ZNF564: variants seen among roughly 807,000 people sequenced by gnomAD.
The protein encoded by ZNF564 is zinc finger protein 564.
In ZNF564, 5 loss-of-function variants were observed where a neutral mutation model predicts 10.5. The ratio of observed to expected loss-of-function variants is 0.48; its 90% CI spans 0.25 to 1.00. The LOEUF (loss-of-function observed/expected upper bound fraction) is 1.00. ZNF564 is among the 50% of genes least tolerant of loss of function. The pLI, the probability that ZNF564 is intolerant of heterozygous loss-of-function variation, is 0.16. For missense variants in ZNF564, 603 were observed against 669.7 expected, an observed-to-expected ratio of 0.90 and a Z score of 1.10; for synonymous variants, 242 against 218.1, an observed-to-expected ratio of 1.11 and a Z score of -0.97.
At chr19:12,529,229 T>C (rs1568261950) in intron 1 of ZNF564, among the ~76,000 whole-genome samples, 1 of 152,208 alleles carries the variant, frequency 6.6e-6, no homozygotes, top group Non-Finnish European at 1.5e-5. Flanking sequence ...TCTACATTTT[T>C]ACTGTAGTCA....
At chr19:12,544,434 T>G (rs937066687) in intron 1 of ZNF564, among the ~76,000 whole-genome samples, 2 of 152,200 alleles carry the variant, frequency 1.3e-5, no homozygotes, top group African/African-American at 2.4e-5. Context: ...GAAGCCACTT[T>G]GAATATGGCT....
rs779387961 is a variant in ZNF564, at chr19:12,527,097, A to G, written c.1011T>C (p.Tyr337=). ...AGGTTTTACCACATTTATTACATTC[A>G]TAGGGTTTCTCCCCAGTATGAGTTC... ...HERTHTGEKP[Y]ECNKCGKTFS... is the part of the protein sequence containing the mutation. The change falls in exon 4 of 4, where the codon TAT becomes TAC. Residue 337 remains tyrosine (Y), a synonymous_variant. Transcript: ENST00000339282. 12 of 1,614,070 alleles carry G rather than the reference A, an allele frequency of 7.4e-6. No homozygotes were observed. Among genetic ancestry groups the G allele is most frequent in the Non-Finnish European group, 8.5e-7 (1 of 1,180,040 alleles).
chr19:12,543,673 C>CAAAAAAAAAAA (rs57611686), intron 1 of ZNF564, among the ~76,000 whole-genome samples: 1 of 62,256 alleles, frequency 1.6e-5, no homozygotes, highest in Non-Finnish European at 2.9e-5. Flanking sequence ...GACTTCGTCT[C>CAAAAAAAAAAA]AAAAAAAAAA....
At position 12,527,029 on chromosome 19, in the gene ZNF564, G is replaced by T. The variant is rs1276404135; in HGVS notation, c.1079C>A (p.Thr360Asn). Residue 360 changes from threonine (T) to asparagine (N), a missense_variant, in exon 4 of 4, where the codon ACT (threonine) becomes AAT (asparagine). Physicochemically the swap from Thr to Asn is moderately conservative, Grantham distance 65. Coordinates refer to ENST00000339282, the MANE Select transcript of ZNF564 (RefSeq NM_144976.4). ...SNVRTHERTH[T>N]GEKPYECKEC... Reference sequence around the variant, plus strand: ...CTTACATTCATAGGGCTTCTCTCCAGTGTGAGTCCTTTCATGTGTTCGAAC... The same window carrying T: ...CTTACATTCATAGGGCTTCTCTCCATTGTGAGTCCTTTCATGTGTTCGAAC... 6.2e-7 allele frequency: 1 copy of T among 1,614,034 alleles called. No individual in the cohort carries two copies. Among genetic ancestry groups the T allele is most frequent in the Admixed American group, 1.7e-5 (1 of 60,006 alleles).
intron 1 of ZNF564, among the ~76,000 whole-genome samples, chr19:12,533,982 G>A (rs2021859758): frequency 6.7e-6 from 1 of 149,910 alleles, no homozygotes; most frequent in Non-Finnish European, 1.5e-5. Context: ...ATGAAAGGAG[G>A]CAAAAGTAAA....
intron 1 of ZNF564, among the ~76,000 whole-genome samples, chr19:12,547,674 G>C (rs2022178772): frequency 6.6e-6 from 1 of 152,100 alleles, no homozygotes; most frequent in South Asian, 2.1e-4. Context: ...ATAAGGCTGG[G>C]ATGCCTGCCA....
chr19:12,535,348 G>A (rs921895182), intron 1 of ZNF564, among the ~76,000 whole-genome samples: 1 of 152,104 alleles, frequency 6.6e-6, no homozygotes, highest in Non-Finnish European at 1.5e-5. Flanking sequence ...ACTCCAGCCT[G>A]GGTGACAGAG....
At position 12,526,609 on chromosome 19, in the gene ZNF564, G is replaced by C. The variant is rs2021688024; in HGVS notation, c.1499C>G (p.Thr500Ser). The change falls in exon 4 of 4, where the codon ACC becomes AGC. Residue 500 changes from threonine (T) to serine (S), a missense_variant. Physicochemically the swap from Thr to Ser is moderately conservative, Grantham distance 58 (BLOSUM62 1). Coordinates refer to ENST00000339282, the MANE Select transcript of ZNF564 (RefSeq NM_144976.4). ...SSIRIHERTH[T>S]GEKPYECKQC... ...CTTACATTCATAGGGTTTTTCTCCG[G>C]TATGAGTTCTTTCATGTATTCTAAT... The C allele has an allele frequency of 6.2e-7, 1 of 1,613,888 alleles. No homozygotes were observed. Among genetic ancestry groups the C allele is most frequent in the African/African-American group, 1.3e-5 (1 of 74,868 alleles).
At chr19:12,540,666 A>C (rs543804597) in intron 1 of ZNF564, among the ~76,000 whole-genome samples, 1 of 152,300 alleles carries the variant, frequency 6.6e-6, no homozygotes, top group East Asian at 1.9e-4. Flanking sequence ...CATCCTGGCT[A>C]ACATGATGAA....
At chr19:12,533,428 T>C (rs1248919541) in intron 1 of ZNF564, among the ~76,000 whole-genome samples, 2 of 152,180 alleles carry the variant, frequency 1.3e-5, no homozygotes, top group African/African-American at 4.8e-5. Flanking sequence ...TAATGAATCA[T>C]CTAAGAGTCT....
At chr19:12,540,248 G>A (rs1045168680) in intron 1 of ZNF564, among the ~76,000 whole-genome samples, 2 of 152,164 alleles carry the variant, frequency 1.3e-5, no homozygotes, top group African/African-American at 4.8e-5. Flanking sequence ...CAAAGTCGTG[G>A]CCTGGCTGTC....
At chr19:12,529,477 G>T (rs2021757634) in intron 1 of ZNF564, among the ~76,000 whole-genome samples, 1 of 151,858 alleles carries the variant, frequency 6.6e-6, no homozygotes, top group African/African-American at 2.4e-5. Flanking sequence ...ATGGTGGCAT[G>T]CACCTGTAAT....
intron 1 of ZNF564, among the ~76,000 whole-genome samples, chr19:12,546,028 A>G (rs968407727): frequency 3.9e-5 from 6 of 152,182 alleles, no homozygotes; most frequent in African/African-American, 7.2e-5. Context: ...ATTGTTGTGA[A>G]TAACAAAACA....
intron 1 of ZNF564, among the ~76,000 whole-genome samples, chr19:12,538,622 C>T (rs1293784823): frequency 2.0e-5 from 3 of 150,432 alleles, no homozygotes; most frequent in African/African-American, 7.3e-5. Context: ...AAGACTCTGT[C>T]TAAAAAAAAT....
intron 1 of ZNF564, among the ~76,000 whole-genome samples, chr19:12,531,570 A>C (rs1418139684): frequency 2.6e-5 from 4 of 151,970 alleles, no homozygotes; most frequent in Non-Finnish European, 5.9e-5. Context: ...TCCAAAAAAA[A>C]TAAAAAAAAA....
intron 1 of ZNF564, among the ~76,000 whole-genome samples, chr19:12,540,421 A>G (rs189373224): frequency 2.6e-5 from 4 of 152,328 alleles, no homozygotes; most frequent in Admixed American, 2.0e-4. Context: ...TGAAGTCAAC[A>G]TTTAAAAGAG....
At chr19:12,541,543 T>C (rs2022049322) in intron 1 of ZNF564, 1 of 144,986 alleles carries the variant, frequency 6.9e-6, no homozygotes, top group South Asian at 2.2e-4. Flanking sequence ...AGACTCTGTC[T>C]CAAAAAAAAA....
intron 1 of ZNF564, among the ~76,000 whole-genome samples, chr19:12,531,354 G>C (rs988125557): frequency 3.3e-5 from 5 of 152,036 alleles, no homozygotes; most frequent in Non-Finnish European, 7.4e-5. Flanking sequence ...GATCATTTGA[G>C]TTAGGAGTTT....
chr19:12,528,125 C>T (rs188943720), intron 3 of ZNF564, among the ~76,000 whole-genome samples, 179 bp downstream of exon 3: 100 of 152,272 alleles, frequency 6.6e-4, no homozygotes, highest in Admixed American at 1.3e-3. Context: ...TTTCTTAATA[C>T]TATTTCCAAG....
Sources: allele counts gnomAD v4.1 joint callset (sites outside exome capture counted in the v4.1 genomes callset), GRCh38; gene constraint gnomAD v4.1.1; transcripts MANE v1.5; gene names NCBI Gene and HGNC (gene_info 2026-07-23, HGNC 2026-07-21).